The following CAMTA1 variants were observed in gnomAD, a reference collection of about 807,000 sequenced individuals.
CAMTA1 encodes calmodulin-binding transcription activator 1.
In CAMTA1, 27 loss-of-function variants were observed where a neutral mutation model predicts 170.9. The ratio of observed to expected loss-of-function variants is 0.16; its 90% CI spans 0.12 to 0.22. The LOEUF is 0.22. Ranked by LOEUF, CAMTA1 falls within the 10% of genes least tolerant of loss-of-function variation. CAMTA1 has a pLI of 1.00. For synonymous variants in CAMTA1, 833 were observed against 891.5 expected, an observed-to-expected ratio of 0.93 and a Z score of 1.17; for missense variants, 1,619 against 2,217.2, an observed-to-expected ratio of 0.73 and a Z score of 5.42.
chr1:7,525,958 A>G (rs1187887630), intron 6 of CAMTA1, among the ~76,000 whole-genome samples: 1 of 152,188 alleles, frequency 6.6e-6, no homozygotes, highest in East Asian at 1.9e-4. Context: ...TGGCAGGGCC[A>G]GGACCAGGGT....
chr1:7,766,026 C>CAAA (rs59692886), intron 22 of CAMTA1, among the ~76,000 whole-genome samples: 8 of 71,380 alleles, frequency 1.1e-4, no homozygotes, highest in South Asian at 4.1e-4. Context: ...GATTCTGTCT[C>CAAA]AAAAAAAAAA....
chr1:7,497,734 A>G (rs918882537), intron 6 of CAMTA1, among the ~76,000 whole-genome samples: 5 of 152,200 alleles, frequency 3.3e-5, no homozygotes, highest in African/African-American at 1.2e-4. Flanking sequence ...AGAGAATATG[A>G]CAGAGCTCAG....
In CAMTA1 at chr1:7,665,257, C is replaced by G; in HGVS notation, c.2652+58C>G. On this transcript the variant is annotated intron_variant, in intron 9 of 22. Transcript: ENST00000303635. The surrounding 1 kb of genome is among the most constrained non-coding windows in gnomAD (Gnocchi z 4.3). ...TCCCCTCCCACCCACCTCGCCAGCCCCTGCGCCACCCTGCAGCTAAGGGAT... is the reference window on the plus strand; with the variant it reads ...TCCCCTCCCACCCACCTCGCCAGCCGCTGCGCCACCCTGCAGCTAAGGGAT... 7.4e-7 allele frequency: 1 copy of G among 1,356,252 alleles called. No homozygotes were observed. The highest frequency in any genetic ancestry group is 9.6e-7 in the Non-Finnish European group (1 of 1,038,494). The allele number at this position is 1,356,252 out of a possible 1,614,324, so 84.0% of individuals were successfully genotyped here.
At chr1:7,103,545 T>C (rs11576441) in intron 4 of CAMTA1, among the ~76,000 whole-genome samples, 3 of 60,186 alleles carry the variant, frequency 5.0e-5, no homozygotes, top group African/African-American at 3.9e-4. Context: ...TACACACATG[T>C]ACACACTACA....
intron 10 of CAMTA1, among the ~76,000 whole-genome samples, chr1:7,677,231 G>A (rs956163423): frequency 2.6e-5 from 4 of 152,196 alleles, no homozygotes; most frequent in Non-Finnish European, 5.9e-5. Context: ...CCCCACCCAG[G>A]AAGGATGGGA....
At chr1:6,945,530 G>A (rs1346357183) in intron 3 of CAMTA1, among the ~76,000 whole-genome samples, 4 of 151,950 alleles carry the variant, frequency 2.6e-5, no homozygotes, top group African/African-American at 9.7e-5. Flanking sequence ...TGTATTTTTT[G>A]TAGAGATGGG....
At chr1:7,225,995 C>T (rs895955312) in intron 4 of CAMTA1, among the ~76,000 whole-genome samples, 3 of 152,182 alleles carry the variant, frequency 2.0e-5, no homozygotes, top group Non-Finnish European at 4.4e-5. Flanking sequence ...GATGGCCTGG[C>T]GTGTTCAGCC....
chr1:7,406,963 A>G (rs1057485829), intron 5 of CAMTA1, among the ~76,000 whole-genome samples: 7 of 152,184 alleles, frequency 4.6e-5, no homozygotes, highest in Admixed American at 4.6e-4. Context: ...CATCAGTTTC[A>G]TGTCTCAGCC....
chr1:7,480,181 CAGTGCATGTG>C (rs2093495223), intron 6 of CAMTA1, among the ~76,000 whole-genome samples: 1 of 121,356 alleles, frequency 8.2e-6, no homozygotes, highest in Non-Finnish European at 1.7e-5. Context: ...GCTTGTGTCT[CAGTGCATGTG>C]TGTGCATGTG....
At position 7,273,644 on chromosome 1, in the gene CAMTA1, C is replaced by T. The variant is rs977017439; in HGVS notation, c.438+24018C>T. Reference sequence around the variant, plus strand: ...TTCTTTTTGGGGTGATGAAAATGCTCCAAAATTAGCTTATGGTGACAGTTT... The same window carrying T: ...TTCTTTTTGGGGTGATGAAAATGCTTCAAAATTAGCTTATGGTGACAGTTT... On this transcript the variant is annotated intron_variant, in intron 5 of 22. Transcript: ENST00000303635. 3.3e-5 allele frequency among the ~76,000 whole-genome samples: 5 copies of T among 152,018 alleles called. No individual in the cohort carries two copies. In the South Asian group the frequency reaches 8.3e-4, roughly 25 times the overall value.
intron 4 of CAMTA1, among the ~76,000 whole-genome samples, chr1:7,110,108 G>A (rs1404930018): frequency 6.6e-6 from 1 of 152,112 alleles, no homozygotes; most frequent in Non-Finnish European, 1.5e-5. Flanking sequence ...TTCCTGGATC[G>A]TGTTCCTGGG....
In CAMTA1 at chr1:7,293,990, C is replaced by T. The variant is rs1335662985; in HGVS notation, c.438+44364C>T. On this transcript the variant is annotated intron_variant, in intron 5 of 22. Transcript: ENST00000303635. This position sits in a 1 kb window ranked among gnomAD's most constrained non-coding sequence, Gnocchi z 4.1. The stretch of plus-strand genomic sequence containing the variant: ...AAAGATATCATCGGCAGGCATTTTC[C>T]CAGGGGAAGCACAGTTGTGTCCAAA... Among the ~76,000 whole-genome samples the T allele has an allele frequency of 6.6e-6, 1 of 152,218 alleles. No homozygotes were observed. Among genetic ancestry groups the T allele is most frequent in the African/African-American group, 2.4e-5 (1 of 41,458 alleles).
intron 3 of CAMTA1, among the ~76,000 whole-genome samples, chr1:6,829,508 G>A (rs1052046937): frequency 2.6e-5 from 4 of 152,246 alleles, no homozygotes; most frequent in African/African-American, 9.6e-5. Flanking sequence ...GACACAAGGA[G>A]TGAAGGTGAT....
At chr1:7,392,260 T>TG (rs2088794936) in intron 5 of CAMTA1, among the ~76,000 whole-genome samples, 1 of 147,286 alleles carries the variant, frequency 6.8e-6, no homozygotes, top group Admixed American at 6.7e-5. Flanking sequence ...ACCCCCATCT[T>TG]TTTTTTTTTT....
intron 4 of CAMTA1, among the ~76,000 whole-genome samples, chr1:7,194,416 A>G (rs1655129351): frequency 6.6e-6 from 1 of 151,242 alleles, no homozygotes; most frequent in South Asian, 2.1e-4. Context: ...ATATTTAAAT[A>G]TTTATACGTG....
intron 3 of CAMTA1, chr1:7,008,414 G>A (rs1386377800): frequency 6.6e-6 from 1 of 152,376 alleles, no homozygotes; most frequent in Non-Finnish European, 1.5e-5. Flanking sequence ...GTGGACAGGG[G>A]ATTCCAGGTA....
At chr1:7,143,820 T>C (rs1017658239) in intron 4 of CAMTA1, among the ~76,000 whole-genome samples, 8 of 152,256 alleles carry the variant, frequency 5.3e-5, no homozygotes, top group African/African-American at 1.9e-4. Flanking sequence ...AATTTCATTG[T>C]ATGAACGCAT....
At chr1:6,985,561 C>T (rs897494250) in intron 3 of CAMTA1, among the ~76,000 whole-genome samples, 1 of 152,248 alleles carries the variant, frequency 6.6e-6, no homozygotes, top group African/African-American at 2.4e-5. Flanking sequence ...CCGATATACA[C>T]TTACAATCTC....
At chr1:7,544,427 CTCTT>C (rs928660400) in intron 6 of CAMTA1, among the ~76,000 whole-genome samples, 1 of 152,168 alleles carries the variant, frequency 6.6e-6, no homozygotes, top group Non-Finnish European at 1.5e-5. Context: ...TTGGGGAAGA[CTCTT>C]TCCCACCGGT....
Sources: gnomAD v4.1 joint callset for allele counts (sites outside exome capture counted in the v4.1 genomes callset) on GRCh38, gnomAD v4.1.1 for gene constraint, Gnocchi (gnomAD v3.1) non-coding constraint, MANE v1.5 for transcripts, NCBI Gene and HGNC (gene_info 2026-07-23, HGNC 2026-07-21) for gene names.